Variants in STX12 observed in about 807,000 individuals in gnomAD.
STX12 encodes the protein syntaxin 12.
STX12 carries 17 observed loss-of-function variants against 42.2 expected under a neutral mutation model. The ratio of observed to expected loss-of-function variants is 0.40; its 90% CI spans 0.28 to 0.60. The LOEUF (loss-of-function observed/expected upper bound fraction) is 0.60. Ranked by LOEUF, STX12 falls within the 20% of genes least tolerant of loss-of-function variation. The pLI, the probability that STX12 is intolerant of heterozygous loss-of-function variation, is 0.39. For synonymous variants in STX12, 108 were observed against 116.7 expected (o/e 0.93, Z 0.48); for missense variants, 297 against 330.9 (o/e 0.90, Z 0.79).
In STX12 at chr1:27,773,368, G is replaced by A. The variant is rs1312613307; in HGVS notation, c.61G>A (p.Asp21Asn). Residue 21 changes from aspartate (D) to asparagine (N), a missense_variant, in exon 1 of 9, where the codon GAC (aspartate) becomes AAC (asparagine). Asp to Asn is a conservative substitution (Grantham distance 23). Coordinates refer to ENST00000373943, the MANE Select transcript of STX12 (RefSeq NM_177424.3). ...NPGPSGPQLR[D>N]FSSIIQTCSG... ...GGGGCCCTCGGGGCCCCAGCTCCGG[G>A]ACTTCAGCAGCATCATCCAGACGTG... 1 of 1,613,786 alleles carries A rather than the reference G, an allele frequency of 6.2e-7. No individual in the cohort carries two copies.
chr1:27,796,242 A>G (rs953050817), intron 3 of STX12, among the ~76,000 whole-genome samples: 21 of 151,880 alleles, frequency 1.4e-4, no homozygotes, highest in Admixed American at 6.6e-4. Context: ...CTCTTTTCTC[A>G]TCTAATTAAT....
At chr1:27,790,778 C>G (rs761132911) in intron 2 of STX12, among the ~76,000 whole-genome samples, 2 of 151,438 alleles carry the variant, frequency 1.3e-5, no homozygotes, top group Non-Finnish European at 2.9e-5. Context: ...CCTGTCTCTA[C>G]TAATAATACA....
chr1:27,775,657 A>G (rs2088624184), intron 1 of STX12, among the ~76,000 whole-genome samples: 2 of 152,220 alleles, frequency 1.3e-5, no homozygotes, highest in South Asian at 4.1e-4. Context: ...TCATAACCAA[A>G]ATATAAAGTT....
chr1:27,804,440 ATTAAG>A (rs1280930768), intron 4 of STX12, among the ~76,000 whole-genome samples: 1 of 150,390 alleles, frequency 6.6e-6, no homozygotes, highest in Non-Finnish European at 1.5e-5. Context: ...AAAAAATATC[ATTAAG>A]TTATCTTCTT....
At position 27,822,451 on chromosome 1, in the gene STX12, G is replaced by GT; in HGVS notation, c.*122_*123insT. The GT allele has an allele frequency of 1.5e-6, 1 of 661,408 alleles. No individual in the cohort carries two copies. The highest frequency in any genetic ancestry group is 2.7e-6 in the Non-Finnish European group (1 of 364,154). 41.0% of individuals were successfully genotyped at this position (661,408 alleles called of 1,614,324 possible). Reference sequence around the variant, plus strand: ...AGAACGTCCTGTAATCATTTAGTTAGAAACTAACTACTAACTAGTCTTTGG... The same window carrying GT: ...AGAACGTCCTGTAATCATTTAGTTAGTAAACTAACTACTAACTAGTCTTTGG... On this transcript the variant is annotated 3_prime_UTR_variant, in exon 9 of 9. Transcript: ENST00000373943.
chr1:27,794,246 T>G (rs2088769456), intron 3 of STX12, among the ~76,000 whole-genome samples: 1 of 152,136 alleles, frequency 6.6e-6, no homozygotes, highest in South Asian at 2.1e-4. Context: ...ATGCTGGTAT[T>G]GAACTTGTGA....
chr1:27,788,953 G>C (rs996204444), intron 1 of STX12, among the ~76,000 whole-genome samples: 1 of 151,996 alleles, frequency 6.6e-6, no homozygotes, highest in Non-Finnish European at 1.5e-5. Context: ...CGGAGCTTGC[G>C]TGAGCTGAGA....
At chr1:27,809,546 C>T (rs1024303499) in intron 4 of STX12, among the ~76,000 whole-genome samples, 9 of 149,960 alleles carry the variant, frequency 6.0e-5, no homozygotes, top group African/African-American at 1.2e-4. Context: ...CTGCAGCCTC[C>T]GCCTCCCTGA....
chr1:27,790,685 T>C (rs995497463), intron 2 of STX12, among the ~76,000 whole-genome samples: 7 of 152,210 alleles, frequency 4.6e-5, no homozygotes, highest in African/African-American at 1.7e-4. Context: ...CTCATGCCTG[T>C]AATCCCAGCA....
At chr1:27,812,290 T>G in intron 6 of STX12, 22 bp downstream of exon 6, 1 of 1,539,820 alleles carries the variant, frequency 6.5e-7, no homozygotes, top group African/African-American at 1.4e-5. Flanking sequence ...GTCATGTTTT[T>G]TGTTTGACTC....
At chr1:27,805,138 T>TA (rs944711919) in intron 4 of STX12, among the ~76,000 whole-genome samples, 10 of 152,260 alleles carry the variant, frequency 6.6e-5, no homozygotes, top group South Asian at 6.2e-4. Context: ...TGGGGATTAT[T>TA]ACAATTCAAG....
At chr1:27,789,972 T>C (rs1468702887) in intron 2 of STX12, among the ~76,000 whole-genome samples, 3 of 152,150 alleles carry the variant, frequency 2.0e-5, no homozygotes, top group Admixed American at 6.6e-5. Flanking sequence ...GGACTCCTCA[T>C]GATCTAGTCT....
chr1:27,810,834 A>G (rs1471605491), intron 5 of STX12, among the ~76,000 whole-genome samples: 1 of 152,134 alleles, frequency 6.6e-6, no homozygotes, highest in Non-Finnish European at 1.5e-5. Context: ...CCACTACACT[A>G]TGAGCACCTC....
intron 6 of STX12, among the ~76,000 whole-genome samples, chr1:27,814,707 G>A (rs932813927): frequency 2.6e-5 from 4 of 151,716 alleles, no homozygotes; most frequent in South Asian, 2.1e-4. Flanking sequence ...AAAATTAGCC[G>A]GGTGTGGTGG....
At position 27,822,438 on chromosome 1, in the gene STX12, A is replaced by C. The variant is rs1330973943; in HGVS notation, c.*109A>C. On this transcript the variant is annotated 3_prime_UTR_variant, in exon 9 of 9. Transcript: ENST00000373943. ...GACAGCATATATCAGAACGTCCTGT[A>C]ATCATTTAGTTAGAAACTAACTACT... 1.4e-6 allele frequency: 1 copy of C among 722,938 alleles called. No homozygotes were observed. The highest frequency in any genetic ancestry group is 2.5e-6 in the Non-Finnish European group (1 of 403,052). 44.8% of individuals were successfully genotyped at this position (722,938 alleles called of 1,614,324 possible).
intron 1 of STX12, among the ~76,000 whole-genome samples, chr1:27,788,839 G>C (rs556158472): frequency 6.6e-5 from 10 of 152,060 alleles, no homozygotes; most frequent in Non-Finnish European, 1.2e-4. Flanking sequence ...GTGAAAACCC[G>C]TCTCTACTAA....
At chr1:27,807,965 CA>C (rs1161738383) in intron 4 of STX12, among the ~76,000 whole-genome samples, 2 of 151,972 alleles carry the variant, frequency 1.3e-5, no homozygotes, top group Non-Finnish European at 1.5e-5. Context: ...ATGTAAAGTT[CA>C]AAAACAGGCA....
At chr1:27,800,391 C>G (rs1176346981) in intron 3 of STX12, among the ~76,000 whole-genome samples, 1 of 152,024 alleles carries the variant, frequency 6.6e-6, no homozygotes, top group East Asian at 1.9e-4. Context: ...TGTTACTTGT[C>G]TGTCTATATC....
chr1:27,798,331 G>A (rs1057294487), intron 3 of STX12, among the ~76,000 whole-genome samples: 4 of 151,928 alleles, frequency 2.6e-5, no homozygotes, highest in Non-Finnish European at 5.9e-5. Flanking sequence ...AGGAGTTTGA[G>A]ACCCAGCCCG....
Sources: allele counts gnomAD v4.1 joint callset (sites outside exome capture counted in the v4.1 genomes callset), GRCh38; gene constraint gnomAD v4.1.1; transcripts MANE v1.5; gene names NCBI Gene and HGNC (gene_info 2026-07-23, HGNC 2026-07-21).